Variants in SCAF4 observed in about 807,000 individuals in gnomAD.
SCAF4 encodes the protein SR-related and CTD-associated factor 4.
Under a neutral mutation model 129.8 loss-of-function variants are expected in SCAF4, and 25 were observed. That is an observed-to-expected ratio of 0.19 (90% CI 0.14 to 0.27). The LOEUF (loss-of-function observed/expected upper bound fraction) is 0.27. Ranked by LOEUF, SCAF4 falls within the 10% of genes least tolerant of loss-of-function variation. The pLI, the probability that SCAF4 is intolerant of heterozygous loss-of-function variation, is 1.00. For synonymous variants in SCAF4, 551 were observed against 497.7 expected, an observed-to-expected ratio of 1.11 and a Z score of -1.43; for missense variants, 1,246 against 1,457.1, an observed-to-expected ratio of 0.86 and a Z score of 2.36.
intron 1 of SCAF4, 56 bp from the exon 2 acceptor site, chr21:31,706,413 A>C: frequency 1.7e-6 from 2 of 1,196,590 alleles, no homozygotes; most frequent in South Asian, 2.6e-5. Flanking sequence ...CTAGTAAATA[A>C]GCACCTTTCC....
At chr21:31,684,714 C>T (rs1263267507) in intron 19 of SCAF4, 3 of 267,148 alleles carry the variant, frequency 1.1e-5, no homozygotes, top group East Asian at 2.0e-4. Flanking sequence ...AAGTGAATTA[C>T]GAACTCTGTA....
In SCAF4 at chr21:31,731,729, G is replaced by C. The variant is rs1170101839; in HGVS notation, c.-37C>G. On this transcript the variant is annotated 5_prime_UTR_variant, in exon 1 of 20. Transcript: ENST00000286835. ...GGCGGCGGCTGCTCCGGGCCCGCCG[G>C]TCACATAGACCTCGCGCCGCGGCGG... The C allele has an allele frequency of 2.5e-6, 4 of 1,571,048 alleles. No individual in the cohort carries two copies. Among genetic ancestry groups the C allele is most frequent in the African/African-American group, 2.8e-5 (2 of 70,988 alleles).
intron 3 of SCAF4, 61 bp downstream of exon 3, chr21:31,705,362 T>G: frequency 1.2e-6 from 1 of 824,536 alleles, no homozygotes; most frequent in Non-Finnish European, 1.9e-6. Context: ...AGATTAAAAT[T>G]TACAAAGTAA....
chr21:31,730,738 CA>C (rs1352723460), intron 1 of SCAF4, among the ~76,000 whole-genome samples: 3 of 152,166 alleles, frequency 2.0e-5, no homozygotes, highest in African/African-American at 7.2e-5. Flanking sequence ...TCGATTCTGA[CA>C]AATAGGATGT....
intron 1 of SCAF4, among the ~76,000 whole-genome samples, chr21:31,715,589 T>C (rs1208327446): frequency 1.3e-5 from 2 of 152,206 alleles, no homozygotes; most frequent in Admixed American, 1.3e-4. Context: ...GACTTTGTGT[T>C]GGTTTCTAAC....
At chr21:31,708,861 A>T (rs2050731311) in intron 1 of SCAF4, among the ~76,000 whole-genome samples, 1 of 152,224 alleles carries the variant, frequency 6.6e-6, no homozygotes, top group Non-Finnish European at 1.5e-5. Context: ...AGAAGCAATA[A>T]GGGGCCTTTC....
At chr21:31,686,288 C>G (rs915535827) in intron 16 of SCAF4, among the ~76,000 whole-genome samples, 1 of 150,888 alleles carries the variant, frequency 6.6e-6, no homozygotes, top group Non-Finnish European at 1.5e-5. Flanking sequence ...CAATTTCACA[C>G]TATATTTCAC....
At chr21:31,730,293 G>A (rs2051316423) in intron 1 of SCAF4, among the ~76,000 whole-genome samples, 1 of 152,124 alleles carries the variant, frequency 6.6e-6, no homozygotes, top group South Asian at 2.1e-4. Context: ...TCAAAAACTA[G>A]GACATATTAT....
chr21:31,688,428 A>C lies in SCAF4; in HGVS notation c.1922T>G (p.Val641Gly). Residue 641 changes from valine to glycine, a missense_variant, in exon 16 of 20, where the codon GTT becomes GGT. Transcript: ENST00000286835. ...GGTTTCAGCACCTCCATTTTGAGCA[A>C]CTTCATTTTCAGGCTTCTTAGGAAT... ...KGIPKKPENE[V>G]AQNGGAETSH... The C allele has an allele frequency of 6.2e-7, 1 of 1,614,056 alleles. No individual in the cohort carries two copies. Among genetic ancestry groups the C allele is most frequent in the Non-Finnish European group, 8.5e-7 (1 of 1,179,974 alleles).
intron 1 of SCAF4, among the ~76,000 whole-genome samples, chr21:31,728,271 G>A (rs1487816113): frequency 3.9e-5 from 6 of 152,088 alleles, no homozygotes; most frequent in Admixed American, 3.9e-4. Context: ...CCTATCACCA[G>A]TGCCTAGTAC....
chr21:31,719,909 T>C (rs2051030139), intron 1 of SCAF4, among the ~76,000 whole-genome samples: 1 of 152,258 alleles, frequency 6.6e-6, no homozygotes, highest in Non-Finnish European at 1.5e-5. Context: ...CCAGGGTTTT[T>C]AACCCTATTG....
At chr21:31,683,172 T>C (rs2050034548) in intron 19 of SCAF4, among the ~76,000 whole-genome samples, 1 of 152,200 alleles carries the variant, frequency 6.6e-6, no homozygotes, top group African/African-American at 2.4e-5. Context: ...AGTCCTGCAT[T>C]GAAAACCACC....
intron 12 of SCAF4, 102 bp downstream of exon 12, chr21:31,693,192 G>T: frequency 1.2e-6 from 1 of 817,692 alleles, no homozygotes; most frequent in Non-Finnish European, 1.8e-6. Flanking sequence ...AATCAACACA[G>T]TGGTAACATT....
chr21:31,671,723 C>G lies in SCAF4; in HGVS notation c.3120G>C (p.Arg1040=). 6.2e-7 allele frequency: 1 copy of G among 1,614,116 alleles called. No homozygotes were observed. Among genetic ancestry groups the G allele is most frequent in the Non-Finnish European group, 8.5e-7 (1 of 1,179,976 alleles). Residue 1040 remains arginine (R), a synonymous_variant, in exon 20 of 20, where the codon CGG becomes CGC. Transcript: ENST00000286835. ...RREWGRRSPD[R]DRHRDLEERN... ...TCTCTTCCAAGTCTCTGTGCCTGTC[C>G]CGGTCAGGGCTCCTCCTTCCCCACT... is the stretch of plus-strand genomic sequence containing the variant.
In SCAF4 at chr21:31,731,696, C is replaced by T. The variant is rs2123712483; in HGVS notation, c.-4G>A. 1 of 1,582,400 alleles carries T rather than the reference C, an allele frequency of 6.3e-7. No individual in the cohort carries two copies. Among genetic ancestry groups the T allele is most frequent in the South Asian group, 1.1e-5 (1 of 88,618 alleles). ...TGAAGGCGTTGACGGCGTCCATGTT[C>T]GCGCTGCGGCGGCGGCTGCTCCGGG... On this transcript the variant is annotated 5_prime_UTR_variant, in exon 1 of 20. Transcript: ENST00000286835.
chr21:31,708,279 G>T (rs1312703861), intron 1 of SCAF4, among the ~76,000 whole-genome samples: 1 of 151,798 alleles, frequency 6.6e-6, no homozygotes, highest in Non-Finnish European at 1.5e-5. Flanking sequence ...GGGAGGCTGA[G>T]GCAGGAGAAT....
At chr21:31,694,077 T>C (rs1025961470) in intron 11 of SCAF4, 127 bp downstream of exon 11, 2 of 570,298 alleles carry the variant, frequency 3.5e-6, no homozygotes, top group Non-Finnish European at 6.1e-6. Context: ...TACACACATA[T>C]ACAAATACAA....
intron 15 of SCAF4, among the ~76,000 whole-genome samples, chr21:31,689,239 C>T (rs529859384): frequency 1.3e-5 from 2 of 152,080 alleles, no homozygotes; most frequent in Non-Finnish European, 2.9e-5. Context: ...GGGAATAGTA[C>T]AGCATTGTTT....
At chr21:31,690,677 A>C (rs542825304) in intron 15 of SCAF4, 120 bp downstream of exon 15, 2 of 796,438 alleles carry the variant, frequency 2.5e-6, no homozygotes, top group South Asian at 4.0e-5. Context: ...ATACTGACAC[A>C]GGAGGGATCC....
Sources: allele counts gnomAD v4.1 joint callset (sites outside exome capture counted in the v4.1 genomes callset), GRCh38; gene constraint gnomAD v4.1.1; transcripts MANE v1.5; gene names NCBI Gene and HGNC (gene_info 2026-07-23, HGNC 2026-07-21).